The following DST variants were observed in gnomAD, a reference collection of about 807,000 sequenced individuals.
DST encodes dystonin, also known as bullous pemphigoid antigen.
In DST, 253 loss-of-function variants were observed where a neutral mutation model predicts 875.2. The observed-to-expected ratio is 0.29, with a 90% CI of 0.26 to 0.32. The LOEUF is 0.32. Among genes scored for constraint, DST ranks in the 10% least tolerant of loss-of-function variants. DST has a pLI of 1.00. For missense variants in DST, 8,287 were observed against 9,111.6 expected (o/e 0.91, Z 3.68); for synonymous variants, 3,124 against 3,197.1 (o/e 0.98, Z 0.77).
In DST at chr6:56,504,002, G is replaced by T; in HGVS notation, c.19561C>A (p.Leu6521Ile). 6.2e-7 allele frequency: 1 copy of T among 1,606,346 alleles called. No homozygotes were observed. ...LETVKQQIEE[L>I]KQFKSEAYQQ... ...AAATTAGCCCCCACACATACCTTTA[G>T]CTCTTCAATCTGCTGCTTGACAGTT... The change falls in exon 78 of 104, where the codon CTA becomes ATA. Residue 6521 changes from leucine to isoleucine, a missense_variant. This residue lies in a region of DST where 1,292 missense variants were observed against 1,552.7 expected (regional missense o/e 0.83). Coordinates refer to ENST00000680361, the MANE Select transcript of DST (RefSeq NM_001374736.1).
At chr6:56,612,166 T>C (rs957164278) in intron 37 of DST, among the ~76,000 whole-genome samples, 1 of 152,138 alleles carries the variant, frequency 6.6e-6, no homozygotes, top group African/African-American at 2.4e-5. Flanking sequence ...AGCTCAGGCG[T>C]TTGAGACCAG....
At chr6:56,677,373 G>A (rs2099136187) in intron 9 of DST, among the ~76,000 whole-genome samples, 1 of 152,092 alleles carries the variant, frequency 6.6e-6, no homozygotes, top group East Asian at 1.9e-4. Context: ...CTGAAGTGCA[G>A]TGGCAAGATC....
At chr6:56,696,546 T>C (rs1314413849) in intron 9 of DST, among the ~76,000 whole-genome samples, 1 of 152,198 alleles carries the variant, frequency 6.6e-6, no homozygotes, top group African/African-American at 2.4e-5. Flanking sequence ...TCTTAGTATA[T>C]AACTCCTTTT....
chr6:56,488,005 G>A (rs2095619738), intron 86 of DST, among the ~76,000 whole-genome samples: 1 of 152,084 alleles, frequency 6.6e-6, no homozygotes. Flanking sequence ...GCCTTTAAAA[G>A]CTACATACTT....
chr6:56,467,647 G>T (rs2094647706), intron 98 of DST, among the ~76,000 whole-genome samples: 1 of 152,100 alleles, frequency 6.6e-6, no homozygotes, highest in Admixed American at 6.5e-5. Context: ...TTTGGTTCAA[G>T]ATTATACTCA....
intron 4 of DST, among the ~76,000 whole-genome samples, chr6:56,767,826 A>C (rs911110540): frequency 1.3e-5 from 2 of 152,148 alleles, no homozygotes; most frequent in Non-Finnish European, 2.9e-5. Context: ...AATAAGACTT[A>C]AAAGAGATGA....
intron 10 of DST, among the ~76,000 whole-genome samples, chr6:56,656,554 G>C (rs2099009747): frequency 6.6e-6 from 1 of 152,200 alleles, no homozygotes; most frequent in African/African-American, 2.4e-5. Context: ...GCAGTAGGTT[G>C]TGTTATTATC....
intron 3 of DST, among the ~76,000 whole-genome samples, chr6:56,853,923 A>C (rs1203258039): frequency 1.3e-5 from 2 of 152,160 alleles, no homozygotes; most frequent in Non-Finnish European, 2.9e-5. Flanking sequence ...TGGACCCCAC[A>C]CACACACACA....
chr6:56,728,663 C>T (rs1449642243), intron 5 of DST, among the ~76,000 whole-genome samples: 1 of 151,854 alleles, frequency 6.6e-6, no homozygotes, highest in Non-Finnish European at 1.5e-5. Context: ...GTGACAGAGC[C>T]AGACTCTGTC....
chr6:56,949,447 G>A (rs1440746608), intron 2 of DST, among the ~76,000 whole-genome samples: 5 of 152,114 alleles, frequency 3.3e-5, no homozygotes, highest in African/African-American at 9.7e-5. Context: ...AGTTGGAAAC[G>A]GCACAGCAGT....
At chr6:56,926,703 T>G (rs1005658522) in intron 2 of DST, among the ~76,000 whole-genome samples, 2 of 152,204 alleles carry the variant, frequency 1.3e-5, no homozygotes, top group African/African-American at 4.8e-5. Context: ...GTGGCGACCC[T>G]CTTTTTATTA....
intron 4 of DST, among the ~76,000 whole-genome samples, chr6:56,802,920 T>A (rs959932541): frequency 6.6e-6 from 1 of 152,250 alleles, no homozygotes; most frequent in Non-Finnish European, 1.5e-5. Context: ...GAAATCATTA[T>A]ACTTTAAGAA....
Position 56,627,263 on chromosome 6 carries a change from T to C in DST, c.4663A>G (p.Lys1555Glu). 6.2e-7 allele frequency: 1 copy of C among 1,612,844 alleles called. No homozygotes were observed. Among genetic ancestry groups the C allele is most frequent in the Non-Finnish European group, 8.5e-7 (1 of 1,179,262 alleles). The change falls in exon 34 of 104, where the codon AAA becomes GAA. Residue 1555 changes from lysine (K) to glutamate (E), a missense_variant. By Grantham distance (56) the Lys-to-Glu change is moderately conservative. Transcript: ENST00000680361. ...QKMLVSEIEM[K>E]QSKMDECQKY... Reference sequence around the variant, plus strand: ...TGACACTCGTCCATTTTGCTCTGTTTCATTTCTATTTCGGACACCAGCATC... The same window carrying C: ...TGACACTCGTCCATTTTGCTCTGTTCCATTTCTATTTCGGACACCAGCATC...
chr6:56,553,010 A>C lies in DST; in HGVS notation c.15782T>G (p.Leu5261Arg), dbSNP rs773060490. ...IQKVDMVTEQLHSKKFCLENM... is the reference protein window; with the variant it reads ...IQKVDMVTEQRHSKKFCLENM... ...CTCCAGACAGAATTTCTTACTGTGA[A>C]GTTGTTCAGTGACCATGTCCACCTT... The change falls in exon 61 of 104, where the codon CTT becomes CGT. Residue 5261 changes from leucine (L) to arginine (R), a missense_variant. This residue lies in a region of DST where 1,513 missense variants were observed against 1,677.8 expected (regional missense o/e 0.90). Transcript: ENST00000680361. 1 of 1,613,942 alleles carries C rather than the reference A, an allele frequency of 6.2e-7. No individual in the cohort carries two copies. Among genetic ancestry groups the C allele is most frequent in the South Asian group, 1.1e-5 (1 of 91,086 alleles).
At chr6:56,885,882 T>C (rs1481535134) in intron 3 of DST, among the ~76,000 whole-genome samples, 2 of 152,220 alleles carry the variant, frequency 1.3e-5, no homozygotes, top group Non-Finnish European at 2.9e-5. Context: ...CAGTGTCTGA[T>C]CCCCATCGAT....
At chr6:56,770,528 A>G (rs2099651737) in intron 4 of DST, among the ~76,000 whole-genome samples, 1 of 152,222 alleles carries the variant, frequency 6.6e-6, no homozygotes, top group Non-Finnish European at 1.5e-5. Context: ...ATGCATCCAC[A>G]TAGAGTTGGG....
chr6:56,566,135 G>A (rs1013246570), intron 55 of DST, among the ~76,000 whole-genome samples: 14 of 152,294 alleles, frequency 9.2e-5, no homozygotes, highest in East Asian at 1.9e-4. Context: ...GCTGGGCTCC[G>A]TAGGGGTTGG....
intron 9 of DST, among the ~76,000 whole-genome samples, chr6:56,680,989 A>C (rs1202838693): frequency 6.6e-6 from 1 of 152,242 alleles, no homozygotes; most frequent in Non-Finnish European, 1.5e-5. Flanking sequence ...AAAGAGACAT[A>C]AAGTAATAAT....
At chr6:56,635,780 C>G in intron 23 of DST, 66 bp from the exon 24 acceptor site, 2 of 1,561,474 alleles carry the variant, frequency 1.3e-6, no homozygotes, top group South Asian at 2.2e-5. Context: ...AGTTGTCACA[C>G]TCCAATACCA....
Sources: allele counts gnomAD v4.1 joint callset (sites outside exome capture counted in the v4.1 genomes callset), GRCh38; gene constraint gnomAD v4.1.1; regional missense constraint gnomAD v4.1.1; transcripts MANE v1.5; gene names NCBI Gene and HGNC (gene_info 2026-07-23, HGNC 2026-07-21).